Variants in MYLK observed in about 807,000 individuals in gnomAD.
The protein encoded by MYLK is myosin light chain kinase.
MYLK carries 106 observed loss-of-function variants against 203.4 expected under a neutral mutation model. The ratio of observed to expected loss-of-function variants is 0.52; its 90% confidence interval spans 0.45 to 0.61. The LOEUF (loss-of-function observed/expected upper bound fraction) is 0.61. MYLK is among the 20% of genes least tolerant of loss of function. The pLI, the probability that MYLK is intolerant of heterozygous loss-of-function variation, is 0.00. For missense variants in MYLK, 2,072 were observed against 2,442.3 expected (o/e 0.85, Z 3.20); for synonymous variants, 867 against 959.5 (o/e 0.90, Z 1.78).
chr3:123,799,290 G>T (rs2065109124), intron 3 of MYLK, among the ~76,000 whole-genome samples: 1 of 152,014 alleles, frequency 6.6e-6, no homozygotes, highest in South Asian at 2.1e-4. Context: ...GAGTTAACTG[G>T]ACTTTAATTT....
intron 1 of MYLK, among the ~76,000 whole-genome samples, chr3:123,878,661 G>C (rs1426082993): frequency 6.6e-6 from 1 of 152,188 alleles, no homozygotes; most frequent in Non-Finnish European, 1.5e-5. Context: ...AGGTAGTGAT[G>C]AGAACTCTGG....
intron 2 of MYLK, among the ~76,000 whole-genome samples, chr3:123,862,189 A>G (rs1252662987): frequency 1.3e-5 from 2 of 152,162 alleles, no homozygotes; most frequent in South Asian, 2.1e-4. Context: ...TCTTACTGTA[A>G]CTTCATGGCC....
At chr3:123,637,924 G>T in intron 29 of MYLK, 147 bp downstream of exon 29, 1 of 1,198,388 alleles carries the variant, frequency 8.3e-7, no homozygotes, top group Non-Finnish European at 1.2e-6. Context: ...AGGGATAGGA[G>T]GGGAGCCTGC....
chr3:123,735,008 C>A, intron 9 of MYLK: 1 of 329,864 alleles, frequency 3.0e-6, no homozygotes, highest in South Asian at 2.8e-5. Context: ...GCACATCCAG[C>A]ATCTAGCGCC....
chr3:123,695,316 G>A (rs1018114237), intron 18 of MYLK, among the ~76,000 whole-genome samples: 3 of 152,218 alleles, frequency 2.0e-5, no homozygotes, highest in Admixed American at 6.5e-5. Flanking sequence ...GTCAAAGCAC[G>A]GCTCACAAGG....
chr3:123,733,661 C>G (rs41302194), intron 10 of MYLK, 26 bp downstream of exon 10: 2 of 1,612,678 alleles, frequency 1.2e-6, no homozygotes, highest in South Asian at 2.2e-5. Flanking sequence ...TTTTGGCAAT[C>G]GGTGACCCTA....
Position 123,876,544 on chromosome 3 carries a change from T to A in MYLK, c.-127+15A>T, listed in dbSNP as rs2033164648. On this transcript the variant is annotated intron_variant, in intron 2 of 33. Transcript: ENST00000360304. ...TAAAGAAAATATAAGAATCCATCTT[T>A]TATCATGCTATTACCTTTATTTTTT... 6.6e-6 allele frequency: 1 copy of A among 152,232 alleles called. No homozygotes were observed. Among genetic ancestry groups the A allele is most frequent in the African/African-American group, 2.4e-5 (1 of 41,454 alleles). The allele number at this position is 152,232 out of a possible 1,614,324, so 9.4% of individuals were successfully genotyped here.
At chr3:123,675,427 A>G (rs548387111) in intron 20 of MYLK, among the ~76,000 whole-genome samples, 1 of 152,330 alleles carries the variant, frequency 6.6e-6, no homozygotes, top group African/African-American at 2.4e-5. Flanking sequence ...CTCAGTCTGA[A>G]GGCACCTGAA....
At chr3:123,825,636 A>T (rs1482881711) in intron 3 of MYLK, among the ~76,000 whole-genome samples, 1 of 152,166 alleles carries the variant, frequency 6.6e-6, no homozygotes, top group Non-Finnish European at 1.5e-5. Context: ...CAATCTTGAG[A>T]CCTCAGCCAC....
chr3:123,707,657 T>G, intron 16 of MYLK, 97 bp downstream of exon 16: 3 of 1,592,638 alleles, frequency 1.9e-6, no homozygotes, highest in Non-Finnish European at 2.6e-6. Flanking sequence ...AAGCCCCACA[T>G]CAGTTTGTGC....
At chr3:123,667,228 T>A in intron 20 of MYLK, 41 bp from the exon 21 acceptor site, 1 of 1,599,284 alleles carries the variant, frequency 6.3e-7, no homozygotes, top group Non-Finnish European at 8.6e-7. Flanking sequence ...TGTAGTTCTG[T>A]TTTTTTCACA....
At chr3:123,858,193 G>GTCT (rs2031582914) in intron 2 of MYLK, among the ~76,000 whole-genome samples, 1 of 152,176 alleles carries the variant, frequency 6.6e-6, no homozygotes, top group Non-Finnish European at 1.5e-5. Flanking sequence ...ATTGTCCTTG[G>GTCT]ACCTGAAGAT....
chr3:123,618,823 C>T (rs1292207814), intron 32 of MYLK, 53 bp from the exon 33 acceptor site: 9 of 1,611,228 alleles, frequency 5.6e-6, no homozygotes, highest in African/African-American at 5.3e-5. Flanking sequence ...GTTCTCGCCT[C>T]GCCTCTAGCT....
chr3:123,740,547 C>CAGG (rs1351612750), intron 5 of MYLK, among the ~76,000 whole-genome samples: 1 of 152,264 alleles, frequency 6.6e-6, no homozygotes, highest in Non-Finnish European at 1.5e-5. Flanking sequence ...TGAAAGAGAG[C>CAGG]AGGACAGGTC....
At chr3:123,708,623 C>T (rs1368910746) in intron 15 of MYLK, 75 bp downstream of exon 15, 12 of 1,570,890 alleles carry the variant, frequency 7.6e-6, no homozygotes, top group Non-Finnish European at 1.0e-5. Context: ...CATGTGGTTT[C>T]CTTGCCTCCA....
At chr3:123,879,845 G>A (rs1197345214) in intron 1 of MYLK, among the ~76,000 whole-genome samples, 9 of 152,166 alleles carry the variant, frequency 5.9e-5, no homozygotes, top group Non-Finnish European at 1.3e-4. Context: ...TAGTAGAGAC[G>A]GGGTTTCACC....
chr3:123,625,013 C>G (rs1270197626), intron 31 of MYLK: 3 of 152,214 alleles, frequency 2.0e-5, no homozygotes, highest in East Asian at 3.9e-4. Context: ...GCCACCCAGG[C>G]AAAGTCTCAA....
chr3:123,777,465 G>C (rs749717006), intron 4 of MYLK, among the ~76,000 whole-genome samples: 1 of 152,218 alleles, frequency 6.6e-6, no homozygotes, highest in Non-Finnish European at 1.5e-5. Context: ...CTGAAGAAGA[G>C]GTCAAGGTGA....
Position 123,657,388 on chromosome 3 carries a change from G to T in MYLK, c.4026C>A (p.Asp1342Glu). The T allele has an allele frequency of 1.9e-6, 3 of 1,613,998 alleles. No individual in the cohort carries two copies. Among genetic ancestry groups the T allele is most frequent in the Non-Finnish European group, 2.5e-6 (3 of 1,180,030 alleles). ...DPPAGTPCAS[D>E]IRSSSLTLSW... ...ACAGGGTCAGTGAGGAGCTCCGAAT[G>T]TCAGAGGCACAAGGTGTGCCAGCTG... The change falls in exon 24 of 34, where the codon GAC becomes GAA. Residue 1342 changes from aspartate to glutamate, a missense_variant. This residue lies in a region of MYLK where 524 missense variants were observed against 782.4 expected (regional missense o/e 0.67). Coordinates refer to ENST00000360304, the MANE Select transcript of MYLK (RefSeq NM_053025.4).
Sources: allele counts gnomAD v4.1 joint callset (sites outside exome capture counted in the v4.1 genomes callset), GRCh38; gene constraint gnomAD v4.1.1; regional missense constraint gnomAD v4.1.1; transcripts MANE v1.5; gene names NCBI Gene and HGNC (gene_info 2026-07-23, HGNC 2026-07-21).